The following WDR64 variants were observed in gnomAD, a reference collection of about 807,000 sequenced individuals.
WDR64 encodes WD repeat-containing protein 64.
A neutral mutation model predicts 139.3 loss-of-function variants in WDR64; 112 were observed. The ratio of observed to expected loss-of-function variants is 0.80; its 90% CI spans 0.69 to 0.94. The LOEUF is 0.94. WDR64 is among the 40% of genes least tolerant of loss of function. The probability of loss-of-function intolerance (pLI) is 0.00; values close to 1 mark genes in which losing one functional copy is unlikely to be tolerated. For synonymous variants in WDR64, 444 were observed against 437.7 expected, an observed-to-expected ratio of 1.01 and a Z score of -0.18; for missense variants, 1,206 against 1,293.1, an observed-to-expected ratio of 0.93 and a Z score of 1.03.
intron 10 of WDR64, among the ~76,000 whole-genome samples, chr1:241,725,239 G>A (rs529105814): frequency 5.5e-4 from 83 of 152,166 alleles, no homozygotes; most frequent in African/African-American, 2.0e-3. Context: ...ATAGCTAGAT[G>A]AGTGTGCAAA....
At chr1:241,666,452 T>C (rs1666030359) in intron 2 of WDR64, among the ~76,000 whole-genome samples, 1 of 152,208 alleles carries the variant, frequency 6.6e-6, no homozygotes, top group African/African-American at 2.4e-5. Flanking sequence ...TTGGTAAGCA[T>C]TGTAATAGTG....
rs375229309 is a variant in WDR64, at chr1:241,711,905, T to C, written c.1054+24T>C. The C allele has an allele frequency of 6.1e-5, 99 of 1,611,086 alleles. No homozygotes were observed. The African/African-American group carries it at 7.7e-4, about 13-fold the overall frequency. ...AGGTGAGAGGGCGGTTCACATTACA[T>C]AGGGGTTTTCTACTTTGCAAACATC... On this transcript the variant is annotated intron_variant, in intron 9 of 27. Transcript: ENST00000437684.
intron 27 of WDR64, among the ~76,000 whole-genome samples, chr1:241,798,839 G>A (rs1362063452): frequency 2.6e-5 from 4 of 152,002 alleles, no homozygotes; most frequent in African/African-American, 4.8e-5. Flanking sequence ...TCATTTATAC[G>A]TCTCTTTAGA....
chr1:241,655,602 A>G (rs1665558167), intron 1 of WDR64, among the ~76,000 whole-genome samples: 1 of 151,990 alleles, frequency 6.6e-6, no homozygotes, highest in South Asian at 2.1e-4. Context: ...CCCTTCATGC[A>G]CCTTCTGCCC....
At chr1:241,708,112 C>T (rs1159492986) in intron 8 of WDR64, among the ~76,000 whole-genome samples, 1 of 152,110 alleles carries the variant, frequency 6.6e-6, no homozygotes, top group Non-Finnish European at 1.5e-5. Flanking sequence ...AGCCCATGTC[C>T]TGTGAGGTCT....
intron 21 of WDR64, among the ~76,000 whole-genome samples, chr1:241,779,480 A>C (rs1383637683): frequency 6.6e-6 from 1 of 152,144 alleles, no homozygotes; most frequent in Admixed American, 6.6e-5. Context: ...AAGTGGGTGA[A>C]GCAATCTCAT....
At chr1:241,695,046 C>A (rs1208320517) in intron 8 of WDR64, among the ~76,000 whole-genome samples, 4 of 152,140 alleles carry the variant, frequency 2.6e-5, no homozygotes, top group African/African-American at 9.7e-5. Context: ...GTTAAAATTT[C>A]AGGAATTAGG....
chr1:241,734,440 C>G (rs1015502382), intron 10 of WDR64, among the ~76,000 whole-genome samples: 1 of 152,020 alleles, frequency 6.6e-6, no homozygotes, highest in Non-Finnish European at 1.5e-5. Context: ...TACTGTCTTT[C>G]CCCAAAGCAA....
intron 15 of WDR64, among the ~76,000 whole-genome samples, chr1:241,759,598 G>A (rs574677391): frequency 1.3e-5 from 2 of 151,914 alleles, no homozygotes; most frequent in Non-Finnish European, 2.9e-5. Flanking sequence ...ACCTTCTTAA[G>A]CAAATGATAG....
At chr1:241,758,236 A>C (rs1265454165) in intron 15 of WDR64, among the ~76,000 whole-genome samples, 1 of 144,894 alleles carries the variant, frequency 6.9e-6, no homozygotes, top group Non-Finnish European at 1.5e-5. Context: ...TACAACATTG[A>C]TTTTTTTTTT....
intron 25 of WDR64, among the ~76,000 whole-genome samples, chr1:241,793,604 G>T (rs1659270131): frequency 6.6e-6 from 1 of 152,062 alleles, no homozygotes; most frequent in Non-Finnish European, 1.5e-5. Flanking sequence ...TTACCTTTCT[G>T]TCCAAATGGA....
At chr1:241,695,214 G>A (rs1334303182) in intron 8 of WDR64, among the ~76,000 whole-genome samples, 5 of 152,038 alleles carry the variant, frequency 3.3e-5, no homozygotes, top group South Asian at 2.1e-4. Context: ...CTCAAAATAC[G>A]TCACTTCTTT....
chr1:241,769,458 T>G lies in WDR64; in HGVS notation c.2136T>G (p.Phe712Leu). 2.6e-6 allele frequency: 4 copies of G among 1,551,552 alleles called. No homozygotes were observed. The highest frequency in any genetic ancestry group is 3.5e-6 in the Non-Finnish European group (4 of 1,146,974). The stretch of plus-strand genomic sequence containing the variant: ...ACCCTGACTTGCATCCCAAGCACTT[T>G]AAAATTAATGACATACTGTTCCTCT... ...TVNPDLHPKH[F>L]KINDILFLFR... The change falls in exon 17 of 28, where the codon TTT (phenylalanine) becomes TTG (leucine). Residue 712 changes from phenylalanine to leucine, a missense_variant. Phe to Leu is a conservative substitution (Grantham distance 22). Coordinates refer to ENST00000437684, the MANE Select transcript of WDR64 (RefSeq NM_001367482.1).
rs1659537604 is a variant in WDR64 at position 241,801,933 on chromosome 1, C to T, written c.*718C>T. On this transcript the variant is annotated 3_prime_UTR_variant, in exon 28 of 28. Transcript: ENST00000437684. ...TCAGAATGGATTAAAAAAACAAAAT[C>T]CAACTATATGTTGTTTACAAGAAAC... 1 of 397,692 alleles carries T rather than the reference C, an allele frequency of 2.5e-6. No individual in the cohort carries two copies. 24.6% of individuals were successfully genotyped at this position (397,692 alleles called of 1,614,324 possible).
chr1:241,781,708 T>C (rs1658852161), intron 22 of WDR64, among the ~76,000 whole-genome samples: 1 of 152,018 alleles, frequency 6.6e-6, no homozygotes, highest in African/African-American at 2.4e-5. Flanking sequence ...CATTAAGGGG[T>C]CATGAAATCA....
intron 21 of WDR64, among the ~76,000 whole-genome samples, chr1:241,777,974 G>A (rs534718396): frequency 8.5e-5 from 13 of 152,248 alleles, no homozygotes; most frequent in Admixed American, 7.9e-4. Flanking sequence ...TCAGAGGAAT[G>A]TGTGTTCTGA....
chr1:241,802,506 A>G lies in WDR64; in HGVS notation c.*1291A>G, dbSNP rs754721405. ...GGTTATACAGCTAGGTGTGCATTTC[A>G]AAATTTATTGGATGATATTTCTGCA... On this transcript the variant is annotated 3_prime_UTR_variant, in exon 28 of 28. Coordinates refer to ENST00000437684, the MANE Select transcript of WDR64 (RefSeq NM_001367482.1). Among the ~76,000 whole-genome samples, 112 of 152,342 alleles carry G rather than the reference A, an allele frequency of 7.4e-4. No individual in the cohort carries two copies. Among genetic ancestry groups the G allele is most frequent in the Admixed American group, 1.8e-3 (27 of 15,300 alleles).
chr1:241,687,689 TTTAAAAAAATCGGACA>T, intron 8 of WDR64, 94 bp downstream of exon 8: 1 of 1,308,358 alleles, frequency 7.6e-7, no homozygotes, highest in Admixed American at 2.5e-5. Context: ...TCAAACTGGC[TTTAAAAAAATCGGACA>T]TTAACTATTC....
intron 8 of WDR64, among the ~76,000 whole-genome samples, chr1:241,693,740 A>G (rs1667386748): frequency 6.6e-6 from 1 of 152,188 alleles, no homozygotes; most frequent in South Asian, 2.1e-4. Flanking sequence ...GCTGAGCTAC[A>G]AACAAGAATC....
Sources: gnomAD v4.1 joint callset for allele counts (sites outside exome capture counted in the v4.1 genomes callset) on GRCh38, gnomAD v4.1.1 for gene constraint, MANE v1.5 for transcripts, NCBI Gene and HGNC (gene_info 2026-07-23, HGNC 2026-07-21) for gene names.